Variants in C10orf143 observed in about 807,000 individuals in gnomAD.
C10orf143 encodes chromosome 10 open reading frame 143.
At chr10:130,082,799 A>T (rs1027976468) in intron 1 of C10orf143, among the ~76,000 whole-genome samples, 2 of 152,228 alleles carry the variant, frequency 1.3e-5, no homozygotes, top group Non-Finnish European at 2.9e-5. Flanking sequence ...AATGCAAAAG[A>T]TCTAATTATA....
chr10:130,101,887 T>C (rs1401181639), intron 1 of C10orf143, among the ~76,000 whole-genome samples: 1 of 132,434 alleles, frequency 7.6e-6, no homozygotes, highest in Non-Finnish European at 1.6e-5. Flanking sequence ...AAAAAAAAAC[T>C]TTTTCAGAAT....
chr10:130,082,606 A>T (rs1162796425), intron 1 of C10orf143, among the ~76,000 whole-genome samples: 1 of 152,198 alleles, frequency 6.6e-6, no homozygotes, highest in East Asian at 1.9e-4. Flanking sequence ...GCCTGCTGCC[A>T]CGTAAGACGT....
chr10:130,102,574 GTAGTT>G lies in C10orf143; in HGVS notation c.69+8125_69+8129del, dbSNP rs200787964. Reference sequence around the variant, plus strand: ...AAGGCGTGAGCCACTGCACTGGCCAGTAGTTTAGTTTACATTTTCTATATCCTTAA... The same window carrying G: ...AAGGCGTGAGCCACTGCACTGGCCAGTAGTTTACATTTTCTATATCCTTAA... On this transcript the variant is annotated intron_variant, in intron 1 of 3. Coordinates refer to ENST00000637128, the MANE Select transcript of C10orf143 (RefSeq NM_001355042.2). Among the ~76,000 whole-genome samples the G allele has an allele frequency of 9.4e-3, 1,438 of 152,202 alleles. 7 individuals are homozygous for G. Among genetic ancestry groups the G allele is most frequent in the Middle Eastern group, 0.017 (5 of 294 alleles).
intron 3 of C10orf143, among the ~76,000 whole-genome samples, chr10:130,068,795 G>GC (rs1487579762): frequency 6.6e-6 from 1 of 151,494 alleles, no homozygotes; most frequent in Non-Finnish European, 1.5e-5. Context: ...GCAGATTTGA[G>GC]CAAGCAGAAG....
chr10:130,038,229 TGA>T (rs1161735569), intron 3 of C10orf143, among the ~76,000 whole-genome samples: 2 of 152,086 alleles, frequency 1.3e-5, no homozygotes, highest in African/African-American at 2.4e-5. Flanking sequence ...ACAGGTGGCC[TGA>T]GAGAGAGGGC....
intron 1 of C10orf143, chr10:130,106,198 A>C (rs757969643): frequency 2.8e-6 from 3 of 1,061,816 alleles, no homozygotes; most frequent in Non-Finnish European, 4.4e-6. Context: ...CTGTTGCTGC[A>C]TTTTTTGCTG....
At chr10:130,061,841 C>T (rs181588244), downstream of C10orf143, among the ~76,000 whole-genome samples, 25 of 152,262 alleles carry the variant, frequency 1.6e-4, no homozygotes, top group African/African-American at 5.1e-4. Flanking sequence ...CAGTTCTGCA[C>T]GGGGTGAGCT....
At chr10:130,035,516 G>C (rs181001590) in intron 4 of C10orf143, among the ~76,000 whole-genome samples, 4 of 152,304 alleles carry the variant, frequency 2.6e-5, no homozygotes, top group Admixed American at 2.0e-4. Context: ...GGCTGCAAAG[G>C]GGTGCAGCTG....
At position 130,103,012 on chromosome 10, in the gene C10orf143, G is replaced by T. The variant is rs554094234; in HGVS notation, c.69+7692C>A. On this transcript the variant is annotated intron_variant, in intron 1 of 3. Coordinates refer to ENST00000637128, the MANE Select transcript of C10orf143 (RefSeq NM_001355042.2). ...TTTTAAAAGATTGTGTTTCGCTCTTGTTGCCACCCAGGCTGGCGTGCAATG... is the reference window on the plus strand; with the variant it reads ...TTTTAAAAGATTGTGTTTCGCTCTTTTTGCCACCCAGGCTGGCGTGCAATG... 4.0e-4 allele frequency among the ~76,000 whole-genome samples: 57 copies of T among 141,638 alleles called. No individual in the cohort carries two copies. In the South Asian group the frequency reaches 0.012, roughly 29 times the overall value. The allele number at this position is 141,638 out of a possible 152,430, so 92.9% of individuals were successfully genotyped here.
At chr10:130,055,438 G>A (rs535858065) in intron 3 of C10orf143, among the ~76,000 whole-genome samples, 3 of 152,228 alleles carry the variant, frequency 2.0e-5, no homozygotes, top group East Asian at 3.9e-4. Context: ...TTTAAAAATG[G>A]GCTTTGGACA....
At chr10:130,109,516 TGC>T (rs1307926733) in intron 1 of C10orf143, among the ~76,000 whole-genome samples, 2 of 152,204 alleles carry the variant, frequency 1.3e-5, no homozygotes, top group Non-Finnish European at 2.9e-5. Flanking sequence ...AGGGCCAGCG[TGC>T]TTTGAAGGCT....
intron 1 of C10orf143, among the ~76,000 whole-genome samples, chr10:130,088,338 C>T (rs1215041051): frequency 2.6e-5 from 4 of 152,042 alleles, no homozygotes; most frequent in South Asian, 2.1e-4. Context: ...GAGCCAGGAT[C>T]GCGCCATTGC....
intron 1 of C10orf143, among the ~76,000 whole-genome samples, chr10:130,082,521 GT>G (rs59894053): frequency 0.034 from 5,236 of 152,228 alleles, 230 homozygotes; most frequent in East Asian, 0.11. Flanking sequence ...CGGTCCTCGT[GT>G]TAGTGAATAA....
At chr10:130,050,312 G>GAGAAGCTTGGTGAAGCT (rs1860721804) in intron 3 of C10orf143, among the ~76,000 whole-genome samples, 1 of 152,376 alleles carries the variant, frequency 6.6e-6, no homozygotes, top group East Asian at 1.9e-4. Context: ...GCTCACGCCT[G>GAGAAGCTTGGTGAAGCT]CAATCCCAGC....
chr10:130,099,174 T>C (rs928569890), intron 1 of C10orf143, among the ~76,000 whole-genome samples: 3 of 152,176 alleles, frequency 2.0e-5, no homozygotes, highest in East Asian at 3.9e-4. Flanking sequence ...CAAAGATGAA[T>C]TATCATTGAT....
chr10:130,060,818 G>A (rs1387135992), downstream of C10orf143, among the ~76,000 whole-genome samples: 62 of 62,532 alleles, frequency 9.9e-4, no homozygotes, highest in African/African-American at 3.6e-3. Flanking sequence ...GCGAGACTCC[G>A]TCTCAAAAAA....
At chr10:130,103,862 T>C (rs1564971236) in intron 1 of C10orf143, among the ~76,000 whole-genome samples, 12 of 106,772 alleles carry the variant, frequency 1.1e-4, no homozygotes. Context: ...TCAACTCATA[T>C]GACACCAGAA....
chr10:130,052,458 G>A (rs756220593), intron 3 of C10orf143, among the ~76,000 whole-genome samples: 3 of 152,050 alleles, frequency 2.0e-5, no homozygotes, highest in Non-Finnish European at 2.9e-5. Context: ...AAGCATCCCC[G>A]GGATAGTTAC....
chr10:130,098,190 G>A (rs1238482743), intron 1 of C10orf143, among the ~76,000 whole-genome samples: 1 of 152,054 alleles, frequency 6.6e-6, no homozygotes, highest in East Asian at 1.9e-4. Flanking sequence ...GGGCATGGTG[G>A]CACGTGCCTG....
Sources: allele counts gnomAD v4.1 joint callset (sites outside exome capture counted in the v4.1 genomes callset), GRCh38; gene constraint gnomAD v4.1.1; transcripts MANE v1.5; gene names NCBI Gene and HGNC (gene_info 2026-07-23, HGNC 2026-07-21).